The following PTPRG variants were observed in gnomAD, a reference collection of about 807,000 sequenced individuals.
PTPRG encodes the protein receptor-type tyrosine-protein phosphatase gamma.
A neutral mutation model predicts 165.3 loss-of-function variants in PTPRG; 102 were observed. That is an observed-to-expected ratio of 0.62 (90% CI 0.53 to 0.73). The LOEUF (loss-of-function observed/expected upper bound fraction) is 0.73, where lower values mean the gene tolerates loss of function less well. Among genes scored for constraint, PTPRG ranks in the 30% least tolerant of loss-of-function variants. PTPRG has a pLI of 0.00. For missense variants in PTPRG, 1,866 were observed against 1,861.4 expected (o/e 1.00, Z -0.05); for synonymous variants, 675 against 669.5 (o/e 1.01, Z -0.13).
intron 2 of PTPRG, among the ~76,000 whole-genome samples, chr3:61,755,526 C>G (rs9865388): frequency 2.3e-4 from 35 of 152,260 alleles, no homozygotes; most frequent in African/African-American, 8.4e-4. Flanking sequence ...AGTAGAATTT[C>G]TTTACTTATT....
chr3:62,239,608 C>G (rs549118104), intron 14 of PTPRG, among the ~76,000 whole-genome samples: 88 of 152,160 alleles, frequency 5.8e-4, no homozygotes, highest in Admixed American at 1.5e-3. Flanking sequence ...GATCCACCCA[C>G]CTCGGCCTCC....
At chr3:62,268,392 A>G (rs1178829958) in intron 19 of PTPRG, among the ~76,000 whole-genome samples, 2 of 152,118 alleles carry the variant, frequency 1.3e-5, no homozygotes, top group Non-Finnish European at 2.9e-5. Context: ...ACTTCAAGGA[A>G]TCACCACACT....
At chr3:62,139,627 A>G (rs902378113) in intron 6 of PTPRG, among the ~76,000 whole-genome samples, 1 of 152,240 alleles carries the variant, frequency 6.6e-6, no homozygotes, top group African/African-American at 2.4e-5. Context: ...ACTCGCTTCT[A>G]TTAGTGTCAC....
At chr3:61,853,039 T>C (rs2037008594) in intron 2 of PTPRG, among the ~76,000 whole-genome samples, 1 of 152,244 alleles carries the variant, frequency 6.6e-6, no homozygotes, top group Admixed American at 6.5e-5. Context: ...ACAGCTGTTG[T>C]GTTACATGCA....
At chr3:61,895,035 G>C (rs183467016) in intron 2 of PTPRG, among the ~76,000 whole-genome samples, 4 of 152,302 alleles carry the variant, frequency 2.6e-5, no homozygotes, top group South Asian at 2.1e-4. Flanking sequence ...GTGACAACCA[G>C]TGTCTCCAGA....
chr3:61,843,909 T>C (rs6767511), intron 2 of PTPRG, among the ~76,000 whole-genome samples: 21,375 of 151,074 alleles, frequency 0.14, 2,825 homozygotes, highest in African/African-American at 0.35. Flanking sequence ...AGTAAAATAA[T>C]ATTATAGTTT....
chr3:61,841,605 C>T (rs1299500884), intron 2 of PTPRG, among the ~76,000 whole-genome samples: 1 of 151,834 alleles, frequency 6.6e-6, no homozygotes, highest in East Asian at 1.9e-4. Context: ...TACCCCTCTG[C>T]CCTTAAGAAA....
chr3:62,187,684 C>G (rs1699697896), intron 8 of PTPRG, among the ~76,000 whole-genome samples: 1 of 152,174 alleles, frequency 6.6e-6, no homozygotes, highest in Admixed American at 6.5e-5. Context: ...CTATTCTAGG[C>G]CCTCCTAGTA....
intron 2 of PTPRG, among the ~76,000 whole-genome samples, chr3:61,894,472 A>G (rs2038298621): frequency 6.6e-6 from 1 of 152,188 alleles, no homozygotes; most frequent in Non-Finnish European, 1.5e-5. Flanking sequence ...GAAAGAGTTC[A>G]TTAGTAATAA....
chr3:61,909,321 G>T (rs1372347318), intron 2 of PTPRG, among the ~76,000 whole-genome samples: 2 of 152,118 alleles, frequency 1.3e-5, no homozygotes, highest in African/African-American at 4.8e-5. Flanking sequence ...ATATGAATCT[G>T]TGTCAACACA....
chr3:61,927,703 C>T (rs1384725565), intron 2 of PTPRG, among the ~76,000 whole-genome samples: 1 of 152,120 alleles, frequency 6.6e-6, no homozygotes, highest in Non-Finnish European at 1.5e-5. Flanking sequence ...GGTTTGTCTG[C>T]AAGGGTTAAA....
At chr3:61,696,031 G>A (rs556598757) in intron 1 of PTPRG, among the ~76,000 whole-genome samples, 29 of 152,160 alleles carry the variant, frequency 1.9e-4, no homozygotes, top group Non-Finnish European at 4.0e-4. Flanking sequence ...ATGAGGTTGA[G>A]CTGATTGGGA....
intron 2 of PTPRG, among the ~76,000 whole-genome samples, chr3:61,774,411 G>A (rs956988990): frequency 1.3e-5 from 2 of 152,130 alleles, no homozygotes; most frequent in African/African-American, 4.8e-5. Context: ...TGAAAATTTG[G>A]CTGTCTTATA....
At chr3:62,118,915 CT>C (rs1470615528) in intron 5 of PTPRG, among the ~76,000 whole-genome samples, 1 of 152,210 alleles carries the variant, frequency 6.6e-6, no homozygotes, top group African/African-American at 2.4e-5. Context: ...TTAAAGTCTT[CT>C]TTTAGCTTCA....
chr3:62,175,860 C>T (rs919115327), intron 8 of PTPRG, among the ~76,000 whole-genome samples: 3 of 152,062 alleles, frequency 2.0e-5, no homozygotes, highest in African/African-American at 7.2e-5. Flanking sequence ...AGGTCATTTG[C>T]AAGGGCCCTG....
At chr3:61,578,390 T>G (rs987948135) in intron 1 of PTPRG, among the ~76,000 whole-genome samples, 2 of 152,186 alleles carry the variant, frequency 1.3e-5, no homozygotes, top group Non-Finnish European at 2.9e-5. Flanking sequence ...ATAGCCAAGC[T>G]CATTTAGGAT....
intron 2 of PTPRG, among the ~76,000 whole-genome samples, chr3:61,980,456 G>A (rs747329241): frequency 1.3e-5 from 2 of 152,138 alleles, no homozygotes; most frequent in Admixed American, 6.5e-5. Flanking sequence ...AGCCAAGTTC[G>A]TCCTTCTCTT....
In PTPRG at chr3:62,222,750, C is replaced by G. The variant is rs1164035558; in HGVS notation, c.2288+3767C>G. 6.6e-6 allele frequency among the ~76,000 whole-genome samples: 1 copy of G among 152,154 alleles called. No homozygotes were observed. The highest frequency in any genetic ancestry group is 1.5e-5 in the Non-Finnish European group (1 of 68,032). On this transcript the variant is annotated intron_variant, in intron 13 of 29. Coordinates refer to ENST00000474889, the MANE Select transcript of PTPRG (RefSeq NM_002841.4). The surrounding 1 kb of genome is among the most constrained non-coding windows in gnomAD (Gnocchi z 4.5). ...TAAAGCTGTTTCTATTGCATGTGCA[C>G]TGGAGCCATTTTCAGCTTCCTATTA...
At chr3:62,259,438 A>C (rs1701629076) in intron 16 of PTPRG, among the ~76,000 whole-genome samples, 2 of 152,120 alleles carry the variant, frequency 1.3e-5, no homozygotes, top group Non-Finnish European at 2.9e-5. Flanking sequence ...ATGTTTTAAG[A>C]AAGTTTACGA....
Sources: gnomAD v4.1 joint callset for allele counts (sites outside exome capture counted in the v4.1 genomes callset) on GRCh38, gnomAD v4.1.1 for gene constraint, Gnocchi (gnomAD v3.1) non-coding constraint, MANE v1.5 for transcripts, NCBI Gene and HGNC (gene_info 2026-07-23, HGNC 2026-07-21) for gene names.